DLGAP4: variants seen among roughly 807,000 people sequenced by gnomAD.
DLGAP4 encodes the protein disks large-associated protein 4.
DLGAP4 carries 18 observed loss-of-function variants against 86.9 expected under a neutral mutation model. That is an observed-to-expected ratio of 0.21 (90% confidence interval 0.14 to 0.31). The LOEUF is 0.31. Ranked by LOEUF, DLGAP4 falls within the 10% of genes least tolerant of loss-of-function variation. The pLI, the probability that DLGAP4 is intolerant of heterozygous loss-of-function variation, is 1.00. For missense variants in DLGAP4, 1,085 were observed against 1,362.6 expected, an observed-to-expected ratio of 0.80 and a Z score of 3.21; for synonymous variants, 548 against 574.3, an observed-to-expected ratio of 0.95 and a Z score of 0.65.
intron 11 of DLGAP4, chr20:36,525,467 A>G (rs1308085904): frequency 1.7e-5 from 5 of 295,322 alleles, no homozygotes; most frequent in African/African-American, 1.1e-4. Flanking sequence ...GAGTGACACG[A>G]GGGAAACAAC....
At chr20:36,526,450 C>T (rs2037769242) in intron 12 of DLGAP4, among the ~76,000 whole-genome samples, 1 of 152,098 alleles carries the variant, frequency 6.6e-6, no homozygotes, top group African/African-American at 2.4e-5. Flanking sequence ...GTCTAATCCC[C>T]TAGAATAGCC....
At position 36,489,849 on chromosome 20, in the gene DLGAP4, ATTC is replaced by A. The variant is rs1421714798; in HGVS notation, c.1649-6850_1649-6848del. Among the ~76,000 whole-genome samples, 34 of 145,034 alleles carry A rather than the reference ATTC, an allele frequency of 2.3e-4. No homozygotes were observed. The East Asian group carries it at 4.4e-3, about 19-fold the overall frequency. ...TTGAAAGTAAAGTTTGATGTTGCTA[ATTC>A]TTCTTTTTTTTTTTTTTTTTTTTTT... On this transcript the variant is annotated intron_variant, in intron 7 of 12. Coordinates refer to ENST00000339266, the MANE Select transcript of DLGAP4 (RefSeq NM_001365621.2).
chr20:36,522,937 G>A (rs191739685), intron 10 of DLGAP4, among the ~76,000 whole-genome samples: 55 of 152,278 alleles, frequency 3.6e-4, no homozygotes, highest in Non-Finnish European at 3.7e-4. Flanking sequence ...GCTCACTGCA[G>A]CCTCAACCTA....
At chr20:36,519,211 C>T (rs1187568536) in intron 10 of DLGAP4, among the ~76,000 whole-genome samples, 3 of 151,996 alleles carry the variant, frequency 2.0e-5, no homozygotes, top group Non-Finnish European at 2.9e-5. Flanking sequence ...CACAGAAGGT[C>T]AAGGCTGCAG....
intron 1 of DLGAP4, among the ~76,000 whole-genome samples, chr20:36,359,296 T>C (rs1555894052): frequency 6.6e-6 from 1 of 152,152 alleles, no homozygotes; most frequent in Admixed American, 6.5e-5. Context: ...CTAATTTTTG[T>C]ATAAAAATCA....
intron 1 of DLGAP4, among the ~76,000 whole-genome samples, chr20:36,330,872 C>T (rs782305594): frequency 3.9e-5 from 6 of 152,160 alleles, no homozygotes; most frequent in African/African-American, 7.2e-5. Flanking sequence ...CACGCCCGGC[C>T]GACTTTTGAG....
At chr20:36,378,946 G>A (rs2031267111) in intron 2 of DLGAP4, among the ~76,000 whole-genome samples, 1 of 152,158 alleles carries the variant, frequency 6.6e-6, no homozygotes, top group Non-Finnish European at 1.5e-5. Context: ...CTGGGGAAGT[G>A]GTTGGAAAAG....
chr20:36,443,143 A>G (rs1047534514), intron 6 of DLGAP4, among the ~76,000 whole-genome samples: 5 of 152,068 alleles, frequency 3.3e-5, no homozygotes, highest in Non-Finnish European at 7.4e-5. Context: ...GGCTGATGAT[A>G]TTAGCTTCCA....
At chr20:36,329,700 C>A (rs2147356413) in intron 1 of DLGAP4, among the ~76,000 whole-genome samples, 1 of 152,170 alleles carries the variant, frequency 6.6e-6, no homozygotes, top group South Asian at 2.1e-4. Context: ...AGTTCGAGAC[C>A]AGCCTGGCCA....
chr20:36,525,216 CAAAAAAAAAAAAAAAAAAAAAAAAA>C lies in DLGAP4; in HGVS notation c.2605-621_2605-597del, dbSNP rs1159616185. 2.5e-4 allele frequency among the ~76,000 whole-genome samples: 7 copies of C among 28,508 alleles called. 1 individual carries two copies. Among genetic ancestry groups the C allele is most frequent in the South Asian group, 2.4e-3 (1 of 416 alleles). The allele number at this position is 28,508 out of a possible 152,430, so 18.7% of individuals were successfully genotyped here. ...TGGGTGACAGAGCGAGACTCCGTCTCAAAAAAAAAAAAAAAAAAAAAAAAAAAAAAAAAAAAAACAAAGAAATCCC... is the reference window on the plus strand; with the variant it reads ...TGGGTGACAGAGCGAGACTCCGTCTCAAAAAAAAAAAAACAAAGAAATCCC... On this transcript the variant is annotated intron_variant, in intron 11 of 12. Transcript: ENST00000339266.
Position 36,527,300 on chromosome 20 carries a change from G to C in DLGAP4, c.*269G>C. On this transcript the variant is annotated 3_prime_UTR_variant, in exon 13 of 13. Coordinates refer to ENST00000339266, the MANE Select transcript of DLGAP4 (RefSeq NM_001365621.2). The stretch of plus-strand genomic sequence containing the variant: ...TCCTCTTGCTGGCCGTGGTGGACTA[G>C]ATAGATGGACGTCGGCAACTCCCGG... 3.1e-6 allele frequency: 1 copy of C among 319,730 alleles called. No individual in the cohort carries two copies. Among genetic ancestry groups the C allele is most frequent in the Non-Finnish European group, 5.8e-6 (1 of 172,452 alleles). The allele number at this position is 319,730 out of a possible 1,614,324, so 19.8% of individuals were successfully genotyped here. A position where few individuals can be genotyped will look rare whatever the true frequency, so the allele number is the denominator to read the frequency against.
At chr20:36,493,923 T>C (rs1057437926) in intron 7 of DLGAP4, among the ~76,000 whole-genome samples, 1 of 152,236 alleles carries the variant, frequency 6.6e-6, no homozygotes, top group Non-Finnish European at 1.5e-5. Context: ...AGCCTGTGCC[T>C]TGTGGCCAGC....
At chr20:36,488,553 C>T (rs564689631) in intron 7 of DLGAP4, among the ~76,000 whole-genome samples, 1 of 152,104 alleles carries the variant, frequency 6.6e-6, no homozygotes, top group South Asian at 2.1e-4. Context: ...AATCCATAAC[C>T]TTGTTTTATG....
chr20:36,501,962 C>T (rs757524116), intron 10 of DLGAP4, among the ~76,000 whole-genome samples: 1 of 152,196 alleles, frequency 6.6e-6, no homozygotes, highest in African/African-American at 2.4e-5. Flanking sequence ...TCCAGCCCAC[C>T]GCCCTACCTG....
At chr20:36,440,037 C>T (rs1729021938) in intron 5 of DLGAP4, among the ~76,000 whole-genome samples, 169 bp downstream of exon 5, 1 of 152,182 alleles carries the variant, frequency 6.6e-6, no homozygotes, top group Non-Finnish European at 1.5e-5. Flanking sequence ...TCTGCCCCAC[C>T]AACTGTCCTG....
At chr20:36,444,700 G>T (rs1168056427) in intron 6 of DLGAP4, among the ~76,000 whole-genome samples, 3 of 151,634 alleles carry the variant, frequency 2.0e-5, no homozygotes, top group South Asian at 4.2e-4. Context: ...GAGTGCAGTT[G>T]CCCAGTCTTG....
intron 7 of DLGAP4, among the ~76,000 whole-genome samples, chr20:36,455,147 C>T (rs2033847381): frequency 6.6e-6 from 1 of 151,964 alleles, no homozygotes; most frequent in South Asian, 2.1e-4. Context: ...CCTCCCTCCT[C>T]CTCCCTCCCT....
intron 2 of DLGAP4, among the ~76,000 whole-genome samples, chr20:36,409,245 T>A (rs1238011365): frequency 1.3e-5 from 2 of 151,922 alleles, no homozygotes; most frequent in African/African-American, 2.4e-5. Flanking sequence ...GCCATGTTGG[T>A]CAGGCTGGCC....
intron 1 of DLGAP4, among the ~76,000 whole-genome samples, chr20:36,352,206 G>A (rs1399147542): frequency 6.6e-6 from 1 of 152,138 alleles, no homozygotes; most frequent in Admixed American, 6.5e-5. Flanking sequence ...GGGCATGATG[G>A]TGAGAGTGGG....
Sources: gnomAD v4.1 joint callset for allele counts (sites outside exome capture counted in the v4.1 genomes callset) on GRCh38, gnomAD v4.1.1 for gene constraint, MANE v1.5 for transcripts, NCBI Gene and HGNC (gene_info 2026-07-23, HGNC 2026-07-21) for gene names.